The following DNAH2 variants were observed in gnomAD, a reference collection of about 807,000 sequenced individuals.
The protein encoded by DNAH2 is axonemal beta dynein heavy chain 2.
Under a neutral mutation model 523.5 loss-of-function variants are expected in DNAH2, and 323 were observed. The observed-to-expected ratio is 0.62, with a 90% confidence interval of 0.56 to 0.68. DNAH2 has a LOEUF of 0.68. DNAH2 is among the 30% of genes least tolerant of loss of function. The pLI, the probability that DNAH2 is intolerant of heterozygous loss-of-function variation, is 0.00. For missense variants in DNAH2, 4,907 were observed against 5,701.5 expected (o/e 0.86, Z 4.49); for synonymous variants, 2,093 against 2,177.4 (o/e 0.96, Z 1.08).
Position 7,832,663 on chromosome 17 carries a change from G to GC in DNAH2, c.12814dup (p.Arg4272ProfsTer47). The GC allele has an allele frequency of 6.2e-7, 1 of 1,614,166 alleles. No homozygotes were observed. The highest frequency in any genetic ancestry group is 8.5e-7 in the Non-Finnish European group (1 of 1,180,050). ...GCAGTTTGAGCTGTGGGCCAGCCGGGCCCGGCCTCCTGTGATCTTCTGGTT... is the reference window on the plus strand; with the variant it reads ...GCAGTTTGAGCTGTGGGCCAGCCGGGCCCCGGCCTCCTGTGATCTTCTGGTT... On this transcript the variant is annotated frameshift_variant, in exon 83 of 86. Transcript: ENST00000572933. LOFTEE classifies it high-confidence loss of function. The surrounding 1 kb of genome is among the most constrained non-coding windows in gnomAD (Gnocchi z 4.3).
At chr17:7,735,128 T>G (rs2075103917) in intron 7 of DNAH2, among the ~76,000 whole-genome samples, 1 of 152,184 alleles carries the variant, frequency 6.6e-6, no homozygotes, top group South Asian at 2.1e-4. Context: ...TCTTTTTCTT[T>G]TCTTTTTTAT....
intron 12 of DNAH2, among the ~76,000 whole-genome samples, chr17:7,745,177 T>A (rs1291389610): frequency 6.6e-6 from 1 of 152,056 alleles, no homozygotes; most frequent in East Asian, 1.9e-4. Flanking sequence ...GTGTTTTTAT[T>A]AGAGATGGTG....
chr17:7,821,247 A>G lies in DNAH2; in HGVS notation c.11020A>G (p.Thr3674Ala), dbSNP rs201570837. ...DYHTYAVYRY[T>A]CRTLFERHKL... Reference sequence around the variant, plus strand: ...TTCCCTGTCCCTTTCTCCCAGGTACACCTGCCGTACCCTTTTCGAACGCCA... The same window carrying G: ...TTCCCTGTCCCTTTCTCCCAGGTACGCCTGCCGTACCCTTTTCGAACGCCA... Residue 3674 changes from threonine to alanine, a missense_variant, in exon 73 of 86, where the codon ACC becomes GCC. Physicochemically the swap from Thr to Ala is moderately conservative, Grantham distance 58. Transcript: ENST00000572933. This position sits in a 1 kb window ranked among gnomAD's most constrained non-coding sequence, Gnocchi z 5.0. 12 of 1,605,764 alleles carry G rather than the reference A, an allele frequency of 7.5e-6. No individual in the cohort carries two copies. The highest frequency in any genetic ancestry group is 2.3e-5 in the East Asian group (1 of 44,336).
At chr17:7,796,276 C>T (rs552576721) in intron 49 of DNAH2, among the ~76,000 whole-genome samples, 188 bp from the exon 50 acceptor site, 18 of 151,966 alleles carry the variant, frequency 1.2e-4, no homozygotes, top group African/African-American at 3.9e-4. Context: ...CTCGAACTCC[C>T]GACCTCAAGT....
intron 9 of DNAH2, 92 bp from the exon 10 acceptor site, chr17:7,740,328 T>C (rs2151151493): frequency 1.9e-6 from 3 of 1,563,626 alleles, no homozygotes; most frequent in Non-Finnish European, 2.6e-6. Context: ...GGAAGCCCTC[T>C]GTCCTCAGCA....
intron 49 of DNAH2, among the ~76,000 whole-genome samples, chr17:7,796,161 G>T (rs1301060326): frequency 6.8e-6 from 1 of 147,014 alleles, no homozygotes; most frequent in Non-Finnish European, 1.5e-5. Context: ...TGATTCTCCT[G>T]CCTCAGCCTC....
In DNAH2 at chr17:7,798,889, T is replaced by G. The variant is rs2077143466; in HGVS notation, c.8559+171T>G. Among the ~76,000 whole-genome samples, 3 of 152,196 alleles carry G rather than the reference T, an allele frequency of 2.0e-5. No individual in the cohort carries two copies. The highest frequency in any genetic ancestry group is 7.2e-5 in the African/African-American group (3 of 41,456). ...CCCCTCCAGGGACCCTGGGCAGAGC[T>G]GCTTTAAAACCCACGCTTCAGAGCC... On this transcript the variant is annotated intron_variant, in intron 55 of 85. Coordinates refer to ENST00000572933, the MANE Select transcript of DNAH2 (RefSeq NM_020877.5). The surrounding 1 kb of genome is among the most constrained non-coding windows in gnomAD (Gnocchi z 5.5).
chr17:7,823,749 C>T, intron 74 of DNAH2, 85 bp from the exon 75 acceptor site: 1 of 1,581,914 alleles, frequency 6.3e-7, no homozygotes, highest in Non-Finnish European at 8.6e-7. Context: ...GCCCGGAGCA[C>T]ATTCCCGGCA....
chr17:7,765,763 A>G (rs1017221891), intron 21 of DNAH2, among the ~76,000 whole-genome samples, 198 bp downstream of exon 21: 1 of 150,704 alleles, frequency 6.6e-6, no homozygotes, highest in African/African-American at 2.4e-5. Context: ...CGCAGCTCAC[A>G]GCATTTCTAC....
chr17:7,771,321 C>T lies in DNAH2; in HGVS notation c.4363-9C>T, dbSNP rs748458797. The T allele has an allele frequency of 1.2e-6, 2 of 1,613,956 alleles. No individual in the cohort carries two copies. Among genetic ancestry groups the T allele is most frequent in the South Asian group, 2.2e-5 (2 of 91,058 alleles). ...AGTGGCCTCTCACCCCAACTTTTGGCCCCCTCAGAATATCTTCCTAGGAGA... is the reference window on the plus strand; with the variant it reads ...AGTGGCCTCTCACCCCAACTTTTGGTCCCCTCAGAATATCTTCCTAGGAGA... On this transcript the variant is annotated splice_polypyrimidine_tract_variant and intron_variant, in intron 27 of 85. Transcript: ENST00000572933.
In DNAH2 at chr17:7,816,476, A is replaced by G. The variant is rs2077668898; in HGVS notation, c.9730-95A>G. 8 of 1,430,368 alleles carry G rather than the reference A, an allele frequency of 5.6e-6. No homozygotes were observed. In the South Asian group the frequency reaches 9.1e-5, roughly 16 times the overall value. 88.6% of individuals were successfully genotyped at this position (1,430,368 alleles called of 1,614,324 possible). On this transcript the variant is annotated intron_variant, in intron 63 of 85. Transcript: ENST00000572933. ...AAGAGATTAATTTAACAAAGCTACA[A>G]AATGGCAGCTACAAAATGGCAGAGT...
rs750434021 is a variant in DNAH2, at chr17:7,765,426, G to C, written c.3372G>C (p.Trp1124Cys). Reference sequence around the variant, plus strand: ...TGCTGGACAGTCTCAACGGGGAGTGGGTTGTCTTCCAACAAACTCTGCTGG... The same window carrying C: ...TGCTGGACAGTCTCAACGGGGAGTGCGTTGTCTTCCAACAAACTCTGCTGG... ...LEMLDSLNGE[W>C]VVFQQTLLDS... is the part of the protein sequence containing the mutation. The change falls in exon 21 of 86, where the codon TGG becomes TGC. Residue 1124 changes from tryptophan to cysteine, a missense_variant. Transcript: ENST00000572933. 2 of 1,614,014 alleles carry C rather than the reference G, an allele frequency of 1.2e-6. No homozygotes were observed. The highest frequency in any genetic ancestry group is 2.2e-5 in the East Asian group (1 of 44,896).
At chr17:7,822,847 A>G (rs904839353) in intron 73 of DNAH2, among the ~76,000 whole-genome samples, 1 of 152,172 alleles carries the variant, frequency 6.6e-6, no homozygotes, top group Non-Finnish European at 1.5e-5. Flanking sequence ...TGAGGCTACC[A>G]ACCAGTCATT....
intron 42 of DNAH2, chr17:7,787,445 G>A (rs1029085074): frequency 3.9e-6 from 1 of 257,920 alleles, no homozygotes; most frequent in African/African-American, 2.2e-5. Context: ...TTCTTTTAAA[G>A]CAAACTGGGC....
At chr17:7,744,819 A>G (rs1414031826) in intron 12 of DNAH2, among the ~76,000 whole-genome samples, 1 of 152,098 alleles carries the variant, frequency 6.6e-6, no homozygotes, top group Non-Finnish European at 1.5e-5. Flanking sequence ...TGCAAGACAC[A>G]TTCTCCCATC....
At chr17:7,752,490 C>T (rs989522745) in intron 12 of DNAH2, among the ~76,000 whole-genome samples, 2 of 152,122 alleles carry the variant, frequency 1.3e-5, no homozygotes, top group Non-Finnish European at 2.9e-5. Flanking sequence ...GCGGGCGGAT[C>T]ACGAGGTCAG....
intron 49 of DNAH2, among the ~76,000 whole-genome samples, chr17:7,795,635 T>C (rs966663228): frequency 1.3e-5 from 2 of 148,588 alleles, no homozygotes; most frequent in Admixed American, 6.9e-5. Flanking sequence ...GATTGCACCA[T>C]TGGACACCAG....
rs199653202 is a variant in DNAH2 at position 7,830,313 on chromosome 17, A to T, written c.11867A>T (p.Asn3956Ile). ...TTEPPKGLKA[N>I]MTRLYQLMSE... is the part of the protein sequence containing the mutation. ...CATTGTCCCCAGGGCCTAAAGGCCA[A>T]CATGACACGTCTTTACCAACTGATG... The change falls in exon 78 of 86, where the codon AAC becomes ATC. Residue 3956 changes from asparagine to isoleucine, a missense_variant. Physicochemically the swap from Asn to Ile is moderately radical, Grantham distance 149. Around this residue, in one of 3 missense-constraint regions of DNAH2, gnomAD observed 1,851 missense variants for 2,139.4 expected, o/e 0.87. Coordinates refer to ENST00000572933, the MANE Select transcript of DNAH2 (RefSeq NM_020877.5). The T allele has an allele frequency of 6.2e-7, 1 of 1,614,140 alleles. No individual in the cohort carries two copies. The highest frequency in any genetic ancestry group is 1.3e-5 in the African/African-American group (1 of 75,074).
intron 28 of DNAH2, 64 bp downstream of exon 28, chr17:7,771,532 C>G: frequency 6.3e-7 from 1 of 1,581,404 alleles, no homozygotes; most frequent in South Asian, 1.1e-5. Flanking sequence ...GTCATGGTTG[C>G]GTGCTTCATT....
Sources: gnomAD v4.1 joint callset for allele counts (sites outside exome capture counted in the v4.1 genomes callset) on GRCh38, gnomAD v4.1.1 for gene constraint, gnomAD v4.1.1 regional missense constraint, Gnocchi (gnomAD v3.1) non-coding constraint, MANE v1.5 for transcripts, NCBI Gene and HGNC (gene_info 2026-07-23, HGNC 2026-07-21) for gene names.